FBN3: variants seen among roughly 807,000 people sequenced by gnomAD.
The protein encoded by FBN3 is fibrillin 3.
A neutral mutation model predicts 330.1 loss-of-function variants in FBN3; 234 were observed. That is an observed-to-expected ratio of 0.71 (90% confidence interval 0.64 to 0.79). The LOEUF (loss-of-function observed/expected upper bound fraction) is 0.79, where lower values mean the gene tolerates loss of function less well. Among genes scored for constraint, FBN3 ranks in the 30% least tolerant of loss-of-function variants. The probability of loss-of-function intolerance (pLI) is 0.00; values close to 1 mark genes in which losing one functional copy is unlikely to be tolerated. For synonymous variants in FBN3, 1,458 were observed against 1,517.3 expected, an observed-to-expected ratio of 0.96 and a Z score of 0.91; for missense variants, 3,606 against 3,886.9, an observed-to-expected ratio of 0.93 and a Z score of 1.92.
intron 59 of FBN3, among the ~76,000 whole-genome samples, chr19:8,079,308 T>C (rs1222649949): frequency 3.9e-5 from 6 of 152,102 alleles, no homozygotes; most frequent in Non-Finnish European, 7.4e-5. Flanking sequence ...TCCCAAGTAC[T>C]AGGGAAGCTG....
rs769115091 is a variant in FBN3, at chr19:8,125,899, C to T, written c.2724G>A (p.Leu908=). ...GACCTCGCCTGGACTCACCCACGCACAGCCGGCCTGAGGCGTCCAGCATCA... is the reference window on the plus strand; with the variant it reads ...GACCTCGCCTGGACTCACCCACGCATAGCCGGCCTGAGGCGTCCAGCATCA... ...EGLMLDASGR[L]CVDVRLEPCF... is the part of the protein sequence containing the mutation. The change falls in exon 22 of 64, where the codon CTG becomes CTA. Residue 908 remains leucine (L), a synonymous_variant. Transcript: ENST00000600128. 5 of 1,612,010 alleles carry T rather than the reference C, an allele frequency of 3.1e-6. No individual in the cohort carries two copies. In the East Asian group the frequency reaches 8.9e-5, roughly 29 times the overall value.
At chr19:8,097,068 G>T in intron 42 of FBN3, 62 bp from the exon 43 acceptor site, 1 of 1,580,960 alleles carries the variant, frequency 6.3e-7, no homozygotes, top group Non-Finnish European at 8.6e-7. Flanking sequence ...AGAATCAAAC[G>T]TGAAACCCAG....
chr19:8,083,805 C>CTTTTT (rs372453716), intron 56 of FBN3, among the ~76,000 whole-genome samples: 1 of 134,084 alleles, frequency 7.5e-6, no homozygotes, highest in Non-Finnish European at 1.6e-5. Context: ...ACTATTTTTT[C>CTTTTT]TTTTTTTTTT....
intron 63 of FBN3, 43 bp from the exon 64 acceptor site, chr19:8,066,303 CGGGATGT>C: frequency 7.1e-7 from 1 of 1,416,856 alleles, no homozygotes; most frequent in African/African-American, 1.4e-5. Flanking sequence ...CCAGGAGAAT[CGGGATGT>C]GGTGTGGGTA....
chr19:8,085,408 T>C lies in FBN3; in HGVS notation c.7042A>G (p.Arg2348Gly). The C allele has an allele frequency of 6.3e-7, 1 of 1,578,564 alleles. No individual in the cohort carries two copies. The highest frequency in any genetic ancestry group is 8.6e-7 in the Non-Finnish European group (1 of 1,164,690). ...LCPLPGTSAY[R>G]KLCPHGSGYT... The stretch of plus-strand genomic sequence containing the variant: ...CCTGAGCCATGGGGGCACAGCTTCC[T>C]GTAGGCAGAGGTGCCGGGCAGGGGA... Residue 2348 changes from arginine to glycine, a missense_variant, in exon 56 of 64, where the codon AGG becomes GGG. Physicochemically the swap from Arg to Gly is moderately radical, Grantham distance 125. Coordinates refer to ENST00000600128, the MANE Select transcript of FBN3 (RefSeq NM_032447.5).
chr19:8,091,757 G>A (rs1429106554), intron 47 of FBN3, among the ~76,000 whole-genome samples, 167 bp from the exon 48 acceptor site: 2 of 152,208 alleles, frequency 1.3e-5, no homozygotes, highest in African/African-American at 4.8e-5. Flanking sequence ...GGTGGGCATT[G>A]TGTGTGCACG....
chr19:8,083,212 G>A, intron 57 of FBN3, 35 bp downstream of exon 57: 5 of 1,612,464 alleles, frequency 3.1e-6, no homozygotes, highest in Non-Finnish European at 4.2e-6. Context: ...TGGCCAGGCT[G>A]GGCCAAGGGT....
chr19:8,121,556 C>T lies in FBN3; in HGVS notation c.3083-170G>A, dbSNP rs1388751264. Among the ~76,000 whole-genome samples, 2 of 151,960 alleles carry T rather than the reference C, an allele frequency of 1.3e-5. No homozygotes were observed. Among genetic ancestry groups the T allele is most frequent in the Non-Finnish European group, 2.9e-5 (2 of 68,006 alleles). ...GCATGATGCAGGCATGATGGGGTGC[C>T]GTATGGGGTCATCGAATCTGTAGAT... On this transcript the variant is annotated intron_variant, in intron 24 of 63. Coordinates refer to ENST00000600128, the MANE Select transcript of FBN3 (RefSeq NM_032447.5). This position sits in a 1 kb window ranked among gnomAD's most constrained non-coding sequence, Gnocchi z 4.5.
rs2082715004 is a variant in FBN3, at chr19:8,116,763, T to G, written c.3623A>C (p.Asp1208Ala). The change falls in exon 29 of 64, where the codon GAC (aspartate) becomes GCC (alanine). Residue 1208 changes from aspartate to alanine, a missense_variant. By Grantham distance (126) the Asp-to-Ala change is moderately radical (BLOSUM62 -2). Transcript: ENST00000600128. The stretch of plus-strand genomic sequence containing the variant: ...TGGCATGTTGGTGCAGTGGCCTTGG[T>G]CACAAACGCGGGGGTTCTCTTCACA... ...DECEENPRVC[D>A]QGHCTNMPGG... is the part of the protein sequence containing the mutation. The G allele has an allele frequency of 6.2e-7, 1 of 1,614,062 alleles. No individual in the cohort carries two copies. The highest frequency in any genetic ancestry group is 1.3e-5 in the African/African-American group (1 of 75,016).
In FBN3 at chr19:8,115,637, A is replaced by G. The variant is rs1035675363; in HGVS notation, c.3716T>C (p.Val1239Ala). 2 of 1,613,842 alleles carry G rather than the reference A, an allele frequency of 1.2e-6. No homozygotes were observed. The highest frequency in any genetic ancestry group is 1.7e-6 in the Non-Finnish European group (2 of 1,179,908). The change falls in exon 30 of 64, where the codon GTG becomes GCG. Residue 1239 changes from valine to alanine, a missense_variant. Physicochemically the swap from Val to Ala is moderately conservative, Grantham distance 64. Coordinates refer to ENST00000600128, the MANE Select transcript of FBN3 (RefSeq NM_032447.5). The part of the protein sequence containing the change: ...ATPDMRTCVD[V>A]DECDLNPHIC... ...GTGAGGGTTCAGGTCACACTCATCCACATCTGTTGGGGAAGAGAGCATGAG... is the reference window on the plus strand; with the variant it reads ...GTGAGGGTTCAGGTCACACTCATCCGCATCTGTTGGGGAAGAGAGCATGAG...
In FBN3 at chr19:8,121,185, TC is replaced by T; in HGVS notation, c.3211+72del. On this transcript the variant is annotated intron_variant, in intron 25 of 63. Coordinates refer to ENST00000600128, the MANE Select transcript of FBN3 (RefSeq NM_032447.5). This position sits in a 1 kb window ranked among gnomAD's most constrained non-coding sequence, Gnocchi z 4.5. ...ATCCACGTCCACACAGCAACAGCCG[TC>T]CCCACCCTCCCTCTCCTCAATGCCC... 3 of 1,408,920 alleles carry T rather than the reference TC, an allele frequency of 2.1e-6. No homozygotes were observed. The South Asian group carries it at 4.1e-5, about 19-fold the overall frequency. 87.3% of individuals were successfully genotyped at this position (1,408,920 alleles called of 1,614,324 possible). A position where few individuals can be genotyped will look rare whatever the true frequency, so the allele number is the denominator to read the frequency against.
At chr19:8,082,519 A>G (rs2081827832) in intron 57 of FBN3, among the ~76,000 whole-genome samples, 1 of 143,204 alleles carries the variant, frequency 7.0e-6, no homozygotes, top group Non-Finnish European at 1.5e-5. Context: ...TTCTTGACAG[A>G]GTCTCACTCT....
chr19:8,117,381 G>T, intron 27 of FBN3, 83 bp downstream of exon 27: 1 of 1,544,240 alleles, frequency 6.5e-7, no homozygotes, highest in East Asian at 2.4e-5. Context: ...GCAGAGTGGA[G>T]TTGAGGTGAG....
intron 42 of FBN3, 62 bp from the exon 43 acceptor site, chr19:8,097,068 G>A (rs143079867): frequency 2.4e-5 from 38 of 1,580,958 alleles, no homozygotes; most frequent in Middle Eastern, 1.7e-4. Context: ...AGAATCAAAC[G>A]TGAAACCCAG....
At chr19:8,104,165 G>GAAA (rs34779277) in intron 38 of FBN3, among the ~76,000 whole-genome samples, 24 of 121,190 alleles carry the variant, frequency 2.0e-4, no homozygotes, top group South Asian at 8.7e-4. Context: ...GACATTAAGT[G>GAAA]AAAAAAAAAA....
chr19:8,104,597 A>G (rs1417037242), intron 38 of FBN3, among the ~76,000 whole-genome samples: 3 of 152,146 alleles, frequency 2.0e-5, no homozygotes, highest in Non-Finnish European at 2.9e-5. Flanking sequence ...TGTCTTCCTA[A>G]TATGATATGA....
chr19:8,068,230 C>CAA (rs61181143), intron 63 of FBN3, among the ~76,000 whole-genome samples: 33,590 of 145,112 alleles, frequency 0.23, 4,113 homozygotes, highest in South Asian at 0.39. Flanking sequence ...ACTAAAAATA[C>CAA]AAAAAAAAAA....
Position 8,138,134 on chromosome 19 carries a change from G to A in FBN3, c.1201+7C>T, listed in dbSNP as rs201339849. On this transcript the variant is annotated splice_region_variant and intron_variant, in intron 10 of 63. Transcript: ENST00000600128. Reference sequence around the variant, plus strand: ...TTGGAATGTTCCTCCCAAGCCCCAGGCCTCACCAATATTAGAGTTGCCAGG... The same window carrying A: ...TTGGAATGTTCCTCCCAAGCCCCAGACCTCACCAATATTAGAGTTGCCAGG... The A allele has an allele frequency of 1.9e-5, 30 of 1,605,058 alleles. No homozygotes were observed. The highest frequency in any genetic ancestry group is 2.5e-5 in the Non-Finnish European group (30 of 1,176,700).
chr19:8,146,718 G>A (rs2083555435), intron 3 of FBN3, among the ~76,000 whole-genome samples: 1 of 152,070 alleles, frequency 6.6e-6, no homozygotes, highest in South Asian at 2.1e-4. Flanking sequence ...TGGAATCCTA[G>A]CACTTTGGGA....
Sources: allele counts gnomAD v4.1 joint callset (sites outside exome capture counted in the v4.1 genomes callset), GRCh38; gene constraint gnomAD v4.1.1; non-coding constraint Gnocchi (gnomAD v3.1); transcripts MANE v1.5; gene names NCBI Gene and HGNC (gene_info 2026-07-23, HGNC 2026-07-21).